XKR5: variants seen among roughly 807,000 people sequenced by gnomAD.
XKR5 encodes XK-related protein 5.
XKR5 carries 46 observed loss-of-function variants against 40.8 expected under a neutral mutation model. The observed-to-expected ratio is 1.13, with a 90% CI of 0.89 to 1.44. The LOEUF (loss-of-function observed/expected upper bound fraction) is 1.44. XKR5 is among the 40% of genes most tolerant of loss of function. The probability of loss-of-function intolerance (pLI) is 0.00; values close to 1 mark genes in which losing one functional copy is unlikely to be tolerated. For missense variants in XKR5, 1,169 were observed against 844.7 expected, an observed-to-expected ratio of 1.38 and a Z score of -4.76; for synonymous variants, 466 against 356.1, an observed-to-expected ratio of 1.31 and a Z score of -3.48.
At chr8:6,830,086 C>T (rs959074097) in intron 2 of XKR5, among the ~76,000 whole-genome samples, 4 of 152,124 alleles carry the variant, frequency 2.6e-5, no homozygotes, top group Admixed American at 2.0e-4. Context: ...ATCCGCCTGC[C>T]TCGGCCTCTC....
In XKR5 at chr8:6,822,052, G is replaced by A. The variant is rs368434654; in HGVS notation, c.638-14C>T. 35 of 1,596,096 alleles carry A rather than the reference G, an allele frequency of 2.2e-5. No homozygotes were observed. Among genetic ancestry groups the A allele is most frequent in the South Asian group, 3.4e-5 (3 of 88,268 alleles). Reference sequence around the variant, plus strand: ...GCCAGTGGGCACCTGCAGAGAAGCCGGGTGCAGACGTCAGGGTCCATGCAA... The same window carrying A: ...GCCAGTGGGCACCTGCAGAGAAGCCAGGTGCAGACGTCAGGGTCCATGCAA... On this transcript the variant is annotated splice_polypyrimidine_tract_variant and intron_variant, in intron 4 of 6. Coordinates refer to ENST00000618742, the MANE Select transcript of XKR5 (RefSeq NM_207411.5).
At chr8:6,819,010 C>A (rs1476652097) in intron 5 of XKR5, among the ~76,000 whole-genome samples, 3 of 152,240 alleles carry the variant, frequency 2.0e-5, no homozygotes, top group African/African-American at 4.8e-5. Flanking sequence ...CTGCTGCATT[C>A]CAGCCTGGGC....
chr8:6,832,520 G>C (rs1804815838), intron 2 of XKR5, among the ~76,000 whole-genome samples, 197 bp downstream of exon 2: 1 of 152,178 alleles, frequency 6.6e-6, no homozygotes, highest in Non-Finnish European at 1.5e-5. Context: ...GAGCCCCTGA[G>C]GTTGGAGATG....
intron 5 of XKR5, among the ~76,000 whole-genome samples, chr8:6,817,825 G>A (rs1189498272): frequency 6.6e-6 from 1 of 152,200 alleles, no homozygotes; most frequent in African/African-American, 2.4e-5. Flanking sequence ...CCTGGTGGGT[G>A]CATTGCCCTA....
At chr8:6,828,674 G>T (rs1023117720) in intron 2 of XKR5, among the ~76,000 whole-genome samples, 1 of 152,152 alleles carries the variant, frequency 6.6e-6, no homozygotes, top group Non-Finnish European at 1.5e-5. Context: ...ATCAGCACTT[G>T]CCTGGATTTC....
At chr8:6,812,883 A>G (rs1440300672) in intron 6 of XKR5, among the ~76,000 whole-genome samples, 1 of 152,248 alleles carries the variant, frequency 6.6e-6, no homozygotes, top group Non-Finnish European at 1.5e-5. Context: ...ATGAACAACA[A>G]CAACACTTCC....
At position 6,825,339 on chromosome 8, in the gene XKR5, C is replaced by T. The variant is rs200286057; in HGVS notation, c.253G>A (p.Ala85Thr). 1,255 of 1,564,454 alleles carry T rather than the reference C, an allele frequency of 8.0e-4. 3 individuals are homozygous for T. Among genetic ancestry groups the T allele is most frequent in the Admixed American group, 1.5e-3 (72 of 46,522 alleles). Reference sequence around the variant, plus strand: ...TCCTTCTGCAGACTGGTCAGTGCAGCGTCCCAGTGCCTAGGGAACAGCAGA... The same window carrying T: ...TCCTTCTGCAGACTGGTCAGTGCAGTGTCCCAGTGCCTAGGGAACAGCAGA... Reference protein sequence around the residue: ...QLGVWKRHWDAALTSLQKELE... With the variant: ...QLGVWKRHWDTALTSLQKELE... Residue 85 changes from alanine (A) to threonine (T), a missense_variant, in exon 3 of 7, where the codon GCT becomes ACT. Transcript: ENST00000618742.
chr8:6,823,880 G>A, intron 3 of XKR5, 150 bp from the exon 4 acceptor site: 1 of 665,704 alleles, frequency 1.5e-6, no homozygotes, highest in East Asian at 2.7e-5. Flanking sequence ...CCACCACTTT[G>A]ACCAGTAGGT....
At position 6,811,680 on chromosome 8, in the gene XKR5, T is replaced by C. The variant is rs1803698374; in HGVS notation, c.1579A>G (p.Thr527Ala). 6.5e-7 allele frequency: 1 copy of C among 1,537,712 alleles called. No homozygotes were observed. Among genetic ancestry groups the C allele is most frequent in the Non-Finnish European group, 8.7e-7 (1 of 1,147,044 alleles). Residue 527 changes from threonine (T) to alanine (A), a missense_variant, in exon 7 of 7, where the codon ACA becomes GCA. Thr to Ala is a moderately conservative substitution (Grantham distance 58). Transcript: ENST00000618742. ...TCCCCTCCTCTCTGCTGCCCACCTG[T>C]CCCCTTCCCCTGTGTCCCAGAAACA... ...DAVSGTQGKG[T>A]GGQQRGGEGQ... is the part of the protein sequence containing the mutation.
rs1213173906 is a variant in XKR5, at chr8:6,815,795, A to C, written c.919+12T>G. ...GAGGGGATGCAGAGAAGAAGGTGAC[A>C]TTGGGACTTACCAATCAGAAATCCA... On this transcript the variant is annotated intron_variant, in intron 6 of 6. Coordinates refer to ENST00000618742, the MANE Select transcript of XKR5 (RefSeq NM_207411.5). The C allele has an allele frequency of 6.4e-7, 1 of 1,570,480 alleles. No individual in the cohort carries two copies. The highest frequency in any genetic ancestry group is 8.7e-7 in the Non-Finnish European group (1 of 1,151,346).
intron 2 of XKR5, among the ~76,000 whole-genome samples, chr8:6,827,173 C>T (rs781223739): frequency 7.2e-5 from 11 of 152,158 alleles, no homozygotes; most frequent in Admixed American, 2.6e-4. Flanking sequence ...TCAGATTTCG[C>T]CACCACCCAC....
At chr8:6,813,939 C>T (rs1803847240) in intron 6 of XKR5, among the ~76,000 whole-genome samples, 1 of 152,114 alleles carries the variant, frequency 6.6e-6, no homozygotes, top group East Asian at 1.9e-4. Flanking sequence ...GGGACATTTT[C>T]CCTCCCACCA....
At chr8:6,834,313 G>A (rs1804904188) in intron 1 of XKR5, among the ~76,000 whole-genome samples, 1 of 152,250 alleles carries the variant, frequency 6.6e-6, no homozygotes, top group Non-Finnish European at 1.5e-5. Context: ...AGCTGCAGAC[G>A]CTGCAGCTCT....
intron 2 of XKR5, among the ~76,000 whole-genome samples, chr8:6,827,941 G>T (rs1205066716): frequency 2.6e-5 from 4 of 152,104 alleles, no homozygotes; most frequent in Non-Finnish European, 4.4e-5. Flanking sequence ...AGTGGTGGGT[G>T]CCTGTAGTCC....
intron 5 of XKR5, among the ~76,000 whole-genome samples, chr8:6,817,488 T>C (rs1423974343): frequency 2.0e-5 from 3 of 151,944 alleles, no homozygotes; most frequent in African/African-American, 4.8e-5. Context: ...TCAGCACATA[T>C]GATTCCCCTT....
chr8:6,811,954 TGCAG>T lies in XKR5; in HGVS notation c.1301_1304del (p.Pro434HisfsTer4). 1 of 1,537,346 alleles carries T rather than the reference TGCAG, an allele frequency of 6.5e-7. No individual in the cohort carries two copies. Among genetic ancestry groups the T allele is most frequent in the Non-Finnish European group, 8.7e-7 (1 of 1,146,946 alleles). On this transcript the variant is annotated frameshift_variant, in exon 7 of 7. Transcript: ENST00000618742. LOFTEE classifies it low-confidence loss of function (END_TRUNC). ...GGTAGTCCTGTTGACTCAACCCCCA[TGCAG>T]GTGGACAATAGGCAGGACTGTTATC...
rs17078203 is a variant in XKR5 at position 6,808,967 on chromosome 8, G to A, written c.*2231C>T. On this transcript the variant is annotated 3_prime_UTR_variant, in exon 7 of 7. Transcript: ENST00000618742. ...GCTGGACACTCTGCTGGACCTTGGAGTTAGCCCAGAAGGAGGACTGCAACC... is the reference window on the plus strand; with the variant it reads ...GCTGGACACTCTGCTGGACCTTGGAATTAGCCCAGAAGGAGGACTGCAACC... The A allele has an allele frequency of 0.044, 6,696 of 152,318 alleles. 245 individuals carry two copies. Among genetic ancestry groups the A allele is most frequent in the South Asian group, 0.15 (744 of 4,814 alleles). The allele number at this position is 152,318 out of a possible 1,614,324, so 9.4% of individuals were successfully genotyped here.
intron 1 of XKR5, among the ~76,000 whole-genome samples, 175 bp from the exon 2 acceptor site, chr8:6,833,075 G>A (rs901266907): frequency 8.5e-5 from 13 of 152,170 alleles, no homozygotes; most frequent in African/African-American, 3.1e-4. Flanking sequence ...AGCTAGCAAA[G>A]GGCCCAGCCA....
chr8:6,811,598 G>A lies in XKR5; in HGVS notation c.1661C>T (p.Ser554Leu), dbSNP rs1803692098. 9 of 1,537,298 alleles carry A rather than the reference G, an allele frequency of 5.9e-6. No homozygotes were observed. Among genetic ancestry groups the A allele is most frequent in the Non-Finnish European group, 7.0e-6 (8 of 1,146,946 alleles). ...FSATAEVATS[S>L]QQEGSPATLQ... ...AGTAGCTGGGCTGCCTTCTTGTTGT[G>A]AGGATGTGGCCACTTCTGCAGTGGC... Residue 554 changes from serine (S) to leucine (L), a missense_variant, in exon 7 of 7, where the codon TCA (serine) becomes TTA (leucine). Physicochemically the swap from Ser to Leu is moderately radical, Grantham distance 145. Transcript: ENST00000618742.
Sources: allele counts gnomAD v4.1 joint callset (sites outside exome capture counted in the v4.1 genomes callset), GRCh38; gene constraint gnomAD v4.1.1; transcripts MANE v1.5; gene names NCBI Gene and HGNC (gene_info 2026-07-23, HGNC 2026-07-21).